GRIK4: variants seen among roughly 807,000 people sequenced by gnomAD.
The protein encoded by GRIK4 is glutamate receptor ionotropic, kainate 4.
In GRIK4, 40 loss-of-function variants were observed where a neutral mutation model predicts 104.9. That is an observed-to-expected ratio of 0.38 (90% CI 0.30 to 0.50). The LOEUF is 0.50. Ranked by LOEUF, GRIK4 falls within the 20% of genes least tolerant of loss-of-function variation. The pLI, the probability that GRIK4 is intolerant of heterozygous loss-of-function variation, is 0.93. For missense variants in GRIK4, 1,047 were observed against 1,308.1 expected (o/e 0.80, Z 3.08); for synonymous variants, 485 against 524.9 (o/e 0.92, Z 1.04).
rs1346385568 is a variant in GRIK4 at position 120,956,416 on chromosome 11, G to T, written c.1701-364G>T. Among the ~76,000 whole-genome samples the T allele has an allele frequency of 1.3e-5, 2 of 151,904 alleles. No homozygotes were observed. Among genetic ancestry groups the T allele is most frequent in the Non-Finnish European group, 2.9e-5 (2 of 67,976 alleles). On this transcript the variant is annotated intron_variant, in intron 15 of 20. Coordinates refer to ENST00000527524, the MANE Select transcript of GRIK4 (RefSeq NM_014619.5). The surrounding 1 kb of genome is among the most constrained non-coding windows in gnomAD (Gnocchi z 4.6). ...GACGGGTTTTCGCTGTGTTGCCCAG[G>T]CTGGTCTCGAATCCCTGGACTCAAG...
At chr11:120,539,583 T>C (rs79935002) in intron 1 of GRIK4, among the ~76,000 whole-genome samples, 4 of 152,324 alleles carry the variant, frequency 2.6e-5, no homozygotes, top group East Asian at 3.9e-4. Context: ...TTAATTAGTA[T>C]TTTAGGTTCA....
chr11:120,530,317 G>A (rs1947910298), intron 1 of GRIK4, among the ~76,000 whole-genome samples: 1 of 152,174 alleles, frequency 6.6e-6, no homozygotes, highest in African/African-American at 2.4e-5. Context: ...CCAGGGGAAG[G>A]ATATTTCATG....
At chr11:120,652,750 G>C (rs1949637923) in intron 1 of GRIK4, among the ~76,000 whole-genome samples, 2 of 152,142 alleles carry the variant, frequency 1.3e-5, no homozygotes, top group Non-Finnish European at 2.9e-5. Flanking sequence ...GTGGCTATCA[G>C]CCTCCTCTCT....
chr11:120,824,548 C>CTCTTTTTTTTTTTTTTTTTT (rs1391390503), intron 6 of GRIK4, among the ~76,000 whole-genome samples: 1 of 131,178 alleles, frequency 7.6e-6, no homozygotes, highest in Non-Finnish European at 1.7e-5. Flanking sequence ...TTTTTTTTTT[C>CTCTTTTTTTTTTTTTTTTTT]TTTTCTTTTT....
At chr11:120,875,357 G>T in intron 11 of GRIK4, 114 bp downstream of exon 11, 1 of 717,560 alleles carries the variant, frequency 1.4e-6, no homozygotes, top group Admixed American at 2.0e-5. Flanking sequence ...GCAGCAGGCT[G>T]GATCCTGGGC....
chr11:120,716,127 T>C (rs543910199), intron 3 of GRIK4, among the ~76,000 whole-genome samples: 1 of 152,086 alleles, frequency 6.6e-6, no homozygotes, highest in South Asian at 2.1e-4. Flanking sequence ...TGGCTAAGGC[T>C]TCTGAACTGG....
intron 1 of GRIK4, among the ~76,000 whole-genome samples, chr11:120,636,701 G>T (rs564198430): frequency 6.6e-6 from 1 of 152,288 alleles, no homozygotes; most frequent in South Asian, 2.1e-4. Flanking sequence ...TTAGCCGGGT[G>T]TGGTGGCGTG....
intron 8 of GRIK4, among the ~76,000 whole-genome samples, chr11:120,857,796 T>C (rs550898547): frequency 1.2e-4 from 19 of 152,184 alleles, no homozygotes; most frequent in Admixed American, 1.2e-3. Context: ...AAGCACTCTC[T>C]AGATGCAGTG....
At chr11:120,800,885 T>C (rs1432865772) in intron 3 of GRIK4, among the ~76,000 whole-genome samples, 1 of 152,216 alleles carries the variant, frequency 6.6e-6, no homozygotes. Flanking sequence ...CTGTGTTGCT[T>C]TTCTGAATTC....
intron 3 of GRIK4, among the ~76,000 whole-genome samples, chr11:120,697,534 G>A (rs1271210795): frequency 6.6e-6 from 1 of 152,130 alleles, no homozygotes; most frequent in African/African-American, 2.4e-5. Context: ...AGAATTGCTT[G>A]AGCCCGAAAG....
At chr11:120,880,437 A>G (rs1156840095) in intron 11 of GRIK4, among the ~76,000 whole-genome samples, 2 of 152,238 alleles carry the variant, frequency 1.3e-5, no homozygotes, top group East Asian at 3.8e-4. Flanking sequence ...GAAGTCATGT[A>G]TCTACATTCA....
At chr11:120,735,065 G>T (rs1951197252) in intron 3 of GRIK4, among the ~76,000 whole-genome samples, 1 of 152,138 alleles carries the variant, frequency 6.6e-6, no homozygotes. Flanking sequence ...CTCCAGGATT[G>T]GTCCCTCGTG....
In GRIK4 at chr11:120,772,849, G is replaced by GCATT. The variant is rs575809651; in HGVS notation, c.83-29828_83-29825dup. 4.3e-3 allele frequency among the ~76,000 whole-genome samples: 659 copies of GCATT among 151,922 alleles called. 6 individuals carry two copies. Among genetic ancestry groups the GCATT allele is most frequent in the African/African-American group, 0.015 (639 of 41,386 alleles). On this transcript the variant is annotated intron_variant, in intron 3 of 20. Coordinates refer to ENST00000527524, the MANE Select transcript of GRIK4 (RefSeq NM_014619.5). ...AGGGAAAGTGGGTCCAAGTGCTGGT[G>GCATT]CATTCATTCATTCATTCATCTAGTC...
intron 3 of GRIK4, among the ~76,000 whole-genome samples, chr11:120,758,311 C>T (rs1314983784): frequency 6.6e-6 from 1 of 152,206 alleles, no homozygotes; most frequent in African/African-American, 2.4e-5. Context: ...CAGAGGGCTT[C>T]TTCATGCTCT....
At chr11:120,531,525 G>A (rs941122478) in intron 1 of GRIK4, among the ~76,000 whole-genome samples, 15 of 152,130 alleles carry the variant, frequency 9.9e-5, no homozygotes, top group African/African-American at 3.6e-4. Flanking sequence ...GGTGCAGTGA[G>A]GGGTCTGCCC....
At chr11:120,598,345 A>AAT (rs1181880473) in intron 1 of GRIK4, among the ~76,000 whole-genome samples, 2 of 152,174 alleles carry the variant, frequency 1.3e-5, no homozygotes, top group Non-Finnish European at 2.9e-5. Context: ...GGTCATCTGG[A>AAT]TAGCAGGTAG....
intron 1 of GRIK4, among the ~76,000 whole-genome samples, chr11:120,522,714 A>T (rs928182491): frequency 2.6e-5 from 4 of 152,172 alleles, no homozygotes; most frequent in Non-Finnish European, 5.9e-5. Context: ...GCCAACTTTC[A>T]GTCTCCTTCT....
chr11:120,693,928 T>C (rs12272864), intron 3 of GRIK4, among the ~76,000 whole-genome samples: 17,457 of 152,136 alleles, frequency 0.11, 1,073 homozygotes, highest in South Asian at 0.15. Flanking sequence ...GCGTCACCTT[T>C]TCTGTCTTAA....
chr11:120,934,073 C>T (rs1448293880), intron 13 of GRIK4, among the ~76,000 whole-genome samples: 1 of 151,938 alleles, frequency 6.6e-6, no homozygotes, highest in Non-Finnish European at 1.5e-5. Flanking sequence ...GGCATGGTGG[C>T]GGGCGCCTGT....
Sources: allele counts gnomAD v4.1 joint callset (sites outside exome capture counted in the v4.1 genomes callset), GRCh38; gene constraint gnomAD v4.1.1; non-coding constraint Gnocchi (gnomAD v3.1); transcripts MANE v1.5; gene names NCBI Gene and HGNC (gene_info 2026-07-23, HGNC 2026-07-21).